LINGO2: variants seen among roughly 807,000 people sequenced by gnomAD.
LINGO2 encodes leucine rich repeat and Ig domain containing 2, also known as leucine-rich repeat and immunoglobulin-like domain-containing nogo receptor-interacting protein 2.
In LINGO2, 14 loss-of-function variants were observed where a neutral mutation model predicts 30.6. The ratio of observed to expected loss-of-function variants is 0.46; its 90% confidence interval spans 0.30 to 0.72. LINGO2 has a LOEUF of 0.72. Among genes scored for constraint, LINGO2 ranks in the 30% least tolerant of loss-of-function variants. LINGO2 has a pLI of 0.07. For synonymous variants in LINGO2, 317 were observed against 288.5 expected, an observed-to-expected ratio of 1.10 and a Z score of -1.00; for missense variants, 729 against 751.7, an observed-to-expected ratio of 0.97 and a Z score of 0.35.
chr9:28,100,196 A>T (rs779811629), intron 4 of LINGO2, among the ~76,000 whole-genome samples: 1 of 152,196 alleles, frequency 6.6e-6, no homozygotes, highest in Non-Finnish European at 1.5e-5. Flanking sequence ...ATTATTTGAC[A>T]CATAAAATCA....
At chr9:29,021,362 G>T in the LINGO2 span, among the ~76,000 whole-genome samples, 1 of 152,074 alleles carries the variant, frequency 6.6e-6, no homozygotes, top group Non-Finnish European at 1.5e-5. Context: ...AATTGACCTT[G>T]AAAAGCATCG....
intron 5 of LINGO2, among the ~76,000 whole-genome samples, chr9:27,998,414 A>G (rs988829288): frequency 1.3e-5 from 2 of 152,164 alleles, no homozygotes; most frequent in Non-Finnish European, 2.9e-5. Context: ...TGTTCCAGTT[A>G]TGCCAGCCCA....
the LINGO2 span, among the ~76,000 whole-genome samples, chr9:28,839,841 T>C: frequency 6.6e-6 from 1 of 152,178 alleles, no homozygotes; most frequent in South Asian, 2.1e-4. Context: ...ATCTGCCTCC[T>C]GCTGGGGTGC....
At position 28,062,281 on chromosome 9, in the gene LINGO2, TC is replaced by T. The variant is rs1825168550; in HGVS notation, c.-86-49877del. 2.6e-5 allele frequency among the ~76,000 whole-genome samples: 4 copies of T among 152,118 alleles called. No individual in the cohort carries two copies. The South Asian group carries it at 8.3e-4, about 32-fold the overall frequency. ...TTTGGAAGTGTGTGTGCTTTCTTCC[TC>T]TTGACATTGGAACATTTCATTAAGG... On this transcript the variant is annotated intron_variant, in intron 4 of 5. Transcript: ENST00000379992.
the LINGO2 span, among the ~76,000 whole-genome samples, chr9:28,779,825 T>C: frequency 6.6e-6 from 1 of 152,112 alleles, no homozygotes; most frequent in Non-Finnish European, 1.5e-5. Flanking sequence ...AGTAACCTGA[T>C]ACTGACTCAC....
chr9:29,107,905 TA>T, the LINGO2 span, among the ~76,000 whole-genome samples: 7 of 148,862 alleles, frequency 4.7e-5, no homozygotes, highest in Admixed American at 2.0e-4. Context: ...ACCTGAAAAT[TA>T]AAAAAAAAAC....
At chr9:28,479,587 A>C (rs1351653595) in intron 1 of LINGO2, among the ~76,000 whole-genome samples, 2 of 151,886 alleles carry the variant, frequency 1.3e-5, no homozygotes, top group African/African-American at 4.8e-5. Context: ...TAAAATAAGT[A>C]GATGTTTAAT....
intron 3 of LINGO2, among the ~76,000 whole-genome samples, chr9:28,369,775 A>T (rs1157073384): frequency 6.6e-6 from 1 of 152,216 alleles, no homozygotes; most frequent in African/African-American, 2.4e-5. Flanking sequence ...GAAAGATTTG[A>T]CAGGTGAAGA....
intron 4 of LINGO2, among the ~76,000 whole-genome samples, chr9:28,128,513 A>G (rs1241609020): frequency 1.3e-5 from 2 of 152,184 alleles, no homozygotes; most frequent in African/African-American, 2.4e-5. Context: ...ATGATACCAC[A>G]TGGTTCTAAG....
chr9:28,516,640 A>G (rs140549364), intron 1 of LINGO2, among the ~76,000 whole-genome samples: 316 of 152,322 alleles, frequency 2.1e-3, no homozygotes, highest in African/African-American at 7.2e-3. Flanking sequence ...AAAATTTAAA[A>G]CCAAGGTGTA....
intron 1 of LINGO2, among the ~76,000 whole-genome samples, chr9:28,648,680 A>C (rs1245956754): frequency 1.3e-5 from 2 of 152,184 alleles, no homozygotes; most frequent in Admixed American, 6.5e-5. Flanking sequence ...GTGGAGTAGA[A>C]AGATTTGACT....
intron 1 of LINGO2, among the ~76,000 whole-genome samples, chr9:28,585,106 G>A (rs187216585): frequency 1.3e-5 from 2 of 151,976 alleles, no homozygotes. Flanking sequence ...AAAGAGACAC[G>A]TAATTTAGAT....
intron 3 of LINGO2, among the ~76,000 whole-genome samples, chr9:28,342,346 A>G (rs1825795440): frequency 6.6e-6 from 1 of 152,126 alleles, no homozygotes; most frequent in South Asian, 2.1e-4. Flanking sequence ...ATAGACAGAA[A>G]AGAAATAGTC....
At chr9:28,445,180 T>C (rs1020994217) in intron 2 of LINGO2, among the ~76,000 whole-genome samples, 8 of 152,240 alleles carry the variant, frequency 5.3e-5, no homozygotes, top group African/African-American at 1.9e-4. Context: ...CATTTTATCC[T>C]TTATTTTCAG....
chr9:28,931,301 T>C, the LINGO2 span, among the ~76,000 whole-genome samples: 47 of 152,218 alleles, frequency 3.1e-4, 1 homozygote, highest in Non-Finnish European at 6.0e-4. Flanking sequence ...TGAATAACCA[T>C]GGCATGCTTA....
At chr9:28,498,040 T>C (rs1819715671) in intron 1 of LINGO2, among the ~76,000 whole-genome samples, 1 of 152,122 alleles carries the variant, frequency 6.6e-6, no homozygotes, top group African/African-American at 2.4e-5. Context: ...GAGGGGTACC[T>C]GGCCATGTGA....
chr9:28,206,080 G>T (rs746036626), intron 4 of LINGO2, among the ~76,000 whole-genome samples: 1 of 145,132 alleles, frequency 6.9e-6, no homozygotes, highest in Admixed American at 7.1e-5. Context: ...TGGGAGAATT[G>T]CTTGAACCCA....
At chr9:28,542,579 A>G (rs1311392970) in intron 1 of LINGO2, among the ~76,000 whole-genome samples, 1 of 152,112 alleles carries the variant, frequency 6.6e-6, no homozygotes, top group African/African-American at 2.4e-5. Flanking sequence ...AGAAAATACC[A>G]GAATAATGAG....
chr9:28,501,313 A>G (rs139820922), intron 1 of LINGO2, among the ~76,000 whole-genome samples: 26 of 152,326 alleles, frequency 1.7e-4, no homozygotes, highest in African/African-American at 6.0e-4. Context: ...TATAAATACT[A>G]AGTAATTCCA....
Sources: allele counts gnomAD v4.1 joint callset (sites outside exome capture counted in the v4.1 genomes callset), GRCh38; gene constraint gnomAD v4.1.1; transcripts MANE v1.5; gene names NCBI Gene and HGNC (gene_info 2026-07-23, HGNC 2026-07-21).